Variants in SLC26A7 observed in about 807,000 individuals in gnomAD.
SLC26A7 encodes the protein anion exchange transporter.
In SLC26A7, 59 loss-of-function variants were observed where a neutral mutation model predicts 82.5. The ratio of observed to expected loss-of-function variants is 0.72; its 90% CI spans 0.58 to 0.89. SLC26A7 has a LOEUF of 0.89. Ranked by LOEUF, SLC26A7 falls within the 40% of genes least tolerant of loss-of-function variation. SLC26A7 has a pLI of 0.00. For missense variants in SLC26A7, 820 were observed against 793.0 expected (o/e 1.03, Z -0.41); for synonymous variants, 271 against 274.3 (o/e 0.99, Z 0.12).
Position 91,313,929 on chromosome 8 carries a change from A to G in SLC26A7, c.478-4287A>G, listed in dbSNP as rs112280061. Among the ~76,000 whole-genome samples, 202 of 152,306 alleles carry G rather than the reference A, an allele frequency of 1.3e-3. 2 individuals are homozygous for G. Among genetic ancestry groups the G allele is most frequent in the African/African-American group, 4.8e-3 (199 of 41,570 alleles). ...TCTTTGTTATTTTTAAATATTTGAA[A>G]GCTACTTGCAAGAAAAATGGACTGA... On this transcript the variant is annotated intron_variant, in intron 4 of 18. Transcript: ENST00000276609.
At position 91,389,216 on chromosome 8, in the gene SLC26A7, A is replaced by G. The variant is rs1586482164; in HGVS notation, c.1676-122A>G. On this transcript the variant is annotated intron_variant, in intron 15 of 18. Coordinates refer to ENST00000276609, the MANE Select transcript of SLC26A7 (RefSeq NM_052832.4). The stretch of plus-strand genomic sequence containing the variant: ...TAATTTACTGAAAAATGTAAAAATT[A>G]AAAGTGTTTAGAATTACTGTTGTTA... 5.9e-6 allele frequency: 4 copies of G among 680,800 alleles called. No homozygotes were observed. In the East Asian group the frequency reaches 1.0e-4, roughly 17 times the overall value. The allele number at this position is 680,800 out of a possible 1,614,324, so 42.2% of individuals were successfully genotyped here.
At chr8:91,219,190 G>A in intron 2 of SLC26A7, 1 of 381,726 alleles carries the variant, frequency 2.6e-6, no homozygotes, top group Non-Finnish European at 4.7e-6. Flanking sequence ...TTAGATTCTA[G>A]GTGTGCTTTT....
intron 11 of SLC26A7, among the ~76,000 whole-genome samples, chr8:91,354,667 T>C (rs13265284): frequency 0.17 from 25,286 of 152,054 alleles, 2,489 homozygotes; most frequent in Middle Eastern, 0.29. Context: ...GGCATATAAA[T>C]GAGGAAGACC....
intron 8 of SLC26A7, among the ~76,000 whole-genome samples, chr8:91,340,818 A>T (rs1389548717): frequency 6.6e-6 from 1 of 152,132 alleles, no homozygotes; most frequent in Non-Finnish European, 1.5e-5. Context: ...ATCCAAACAG[A>T]TTTATTATTG....
intron 4 of SLC26A7, 121 bp from the exon 5 acceptor site, chr8:91,318,095 T>C: frequency 1.3e-6 from 1 of 777,450 alleles, no homozygotes; most frequent in Non-Finnish European, 2.0e-6. Context: ...AACAAACTTG[T>C]TACATGTCAG....
chr8:91,340,731 G>C, intron 8 of SLC26A7, 180 bp downstream of exon 8: 1 of 676,794 alleles, frequency 1.5e-6, no homozygotes. Context: ...ACCTGACATT[G>C]ATTGTTCACA....
chr8:91,280,264 T>A (rs529404641), intron 2 of SLC26A7, among the ~76,000 whole-genome samples: 2 of 152,228 alleles, frequency 1.3e-5, no homozygotes, highest in Admixed American at 1.3e-4. Flanking sequence ...ACTAATTCTA[T>A]GTGCAATTTT....
At chr8:91,357,488 A>G (rs868817204) in intron 11 of SLC26A7, among the ~76,000 whole-genome samples, 22 of 152,290 alleles carry the variant, frequency 1.4e-4, no homozygotes, top group Admixed American at 4.6e-4. Flanking sequence ...TAAATCTGAT[A>G]TCCAAATCTA....
intron 7 of SLC26A7, among the ~76,000 whole-genome samples, chr8:91,339,279 TA>T (rs552827402): frequency 3.0e-4 from 44 of 147,986 alleles, no homozygotes; most frequent in Middle Eastern, 3.5e-3. Context: ...GGAGGTGGGT[TA>T]AAAAAAAAAG....
intron 5 of SLC26A7, among the ~76,000 whole-genome samples, chr8:91,321,109 G>A (rs1422411998): frequency 6.6e-6 from 1 of 152,266 alleles, no homozygotes; most frequent in Non-Finnish European, 1.5e-5. Flanking sequence ...TTCCTCACAG[G>A]GGATGTCTGA....
intron 11 of SLC26A7, among the ~76,000 whole-genome samples, chr8:91,355,384 C>T (rs999502468): frequency 1.3e-5 from 2 of 151,966 alleles, no homozygotes; most frequent in African/African-American, 4.8e-5. Context: ...GTGTTCTGCT[C>T]TCTTCTCAGT....
At chr8:91,390,690 AGAG>A (rs1814940527) in intron 16 of SLC26A7, among the ~76,000 whole-genome samples, 2 of 151,788 alleles carry the variant, frequency 1.3e-5, no homozygotes, top group Non-Finnish European at 2.9e-5. Flanking sequence ...GGAAATTTCT[AGAG>A]TTCTTTCCTC....
chr8:91,361,995 G>T (rs183539415), intron 11 of SLC26A7, among the ~76,000 whole-genome samples: 1 of 152,200 alleles, frequency 6.6e-6, no homozygotes, highest in African/African-American at 2.4e-5. Flanking sequence ...ACAATTGCTT[G>T]TAATAATATT....
chr8:91,345,731 A>T (rs1813544568), intron 9 of SLC26A7, among the ~76,000 whole-genome samples: 1 of 152,180 alleles, frequency 6.6e-6, no homozygotes, highest in South Asian at 2.1e-4. Flanking sequence ...AAAAGGTTGA[A>T]ATAGTATCTT....
chr8:91,305,510 C>T (rs1005164689), intron 4 of SLC26A7, among the ~76,000 whole-genome samples: 9 of 152,046 alleles, frequency 5.9e-5, no homozygotes, highest in Non-Finnish European at 8.8e-5. Flanking sequence ...TCCAATCATC[C>T]GACTGTATGA....
chr8:91,229,710 A>G (rs1413235407), intron 2 of SLC26A7, among the ~76,000 whole-genome samples: 1 of 152,142 alleles, frequency 6.6e-6, no homozygotes, highest in Non-Finnish European at 1.5e-5. Context: ...TACATTCCCA[A>G]ACCTTTATAA....
rs575691601 is a variant in SLC26A7 at position 91,229,844 on chromosome 8, A to C, written c.-34+10839A>C. Among the ~76,000 whole-genome samples, 106 of 152,308 alleles carry C rather than the reference A, an allele frequency of 7.0e-4. 1 individual carries two copies. Among genetic ancestry groups the C allele is most frequent in the African/African-American group, 2.5e-3 (102 of 41,558 alleles). On this transcript the variant is annotated intron_variant, in intron 2 of 5. Transcript: ENST00000522862. ...ATATGAATGTTAGCAAACAATGGAT[A>C]CCCGTTTATATAGTAATGTCATAAA... is the stretch of plus-strand genomic sequence containing the variant.
intron 6 of SLC26A7, among the ~76,000 whole-genome samples, chr8:91,337,878 A>G (rs887442072): frequency 1.3e-5 from 2 of 152,150 alleles, no homozygotes; most frequent in African/African-American, 4.8e-5. Flanking sequence ...TTTCCTCTTC[A>G]AAATTGGACA....
intron 2 of SLC26A7, among the ~76,000 whole-genome samples, chr8:91,242,366 G>A (rs1293927402): frequency 1.3e-5 from 2 of 152,112 alleles, no homozygotes; most frequent in Admixed American, 1.3e-4. Context: ...GAAGTACAGG[G>A]ACTTGTAACT....
Sources: gnomAD v4.1 joint callset for allele counts (sites outside exome capture counted in the v4.1 genomes callset) on GRCh38, gnomAD v4.1.1 for gene constraint, MANE v1.5 for transcripts, NCBI Gene and HGNC (gene_info 2026-07-23, HGNC 2026-07-21) for gene names.